COL3A1: variants seen among roughly 807,000 people sequenced by gnomAD.
COL3A1 encodes the protein collagen alpha-1(III) chain.
Under a neutral mutation model 200.9 loss-of-function variants are expected in COL3A1, and 46 were observed. The observed-to-expected ratio is 0.23, with a 90% CI of 0.18 to 0.29. The LOEUF (loss-of-function observed/expected upper bound fraction) is 0.29, where lower values mean the gene tolerates loss of function less well. Ranked by LOEUF, COL3A1 falls within the 10% of genes least tolerant of loss-of-function variation. The pLI, the probability that COL3A1 is intolerant of heterozygous loss-of-function variation, is 1.00. For missense variants in COL3A1, 1,367 were observed against 1,917.6 expected (o/e 0.71, Z 5.36); for synonymous variants, 650 against 628.0 (o/e 1.03, Z -0.52).
At chr2:188,985,326 C>A in intron 3 of COL3A1, 79 bp downstream of exon 3, 2 of 1,141,324 alleles carry the variant, frequency 1.8e-6, no homozygotes, top group Non-Finnish European at 2.7e-6. Context: ...TAGATTTGAG[C>A]TTTCATCATA....
intron 3 of COL3A1, among the ~76,000 whole-genome samples, 181 bp from the exon 4 acceptor site, chr2:188,985,484 T>C (rs1688047790): frequency 6.6e-6 from 1 of 151,988 alleles, no homozygotes; most frequent in African/African-American, 2.4e-5. Flanking sequence ...TAGGTCAATA[T>C]ACAAAGGAAT....
chr2:188,986,219 G>A (rs1376827352), intron 4 of COL3A1, among the ~76,000 whole-genome samples: 1 of 152,078 alleles, frequency 6.6e-6, no homozygotes, highest in African/African-American at 2.4e-5. Flanking sequence ...GATTATTTCT[G>A]CCTATGAAAC....
At chr2:188,977,531 G>A (rs1026107138) in intron 1 of COL3A1, among the ~76,000 whole-genome samples, 10 of 152,038 alleles carry the variant, frequency 6.6e-5, no homozygotes, top group East Asian at 1.9e-4. Flanking sequence ...ACAGGAAAAG[G>A]TTACATACAT....
Position 189,004,030 on chromosome 2 carries a change from C to A in COL3A1, c.2710C>A (p.Pro904Thr), listed in dbSNP as rs1046313486. The stretch of plus-strand genomic sequence containing the variant: ...CAGCGGTTCTCCAGGCAAGGATGGG[C>A]CCCCAGGTCCTGCGGGTAACACTGG... Reference protein sequence around the residue: ...GPSGSPGKDGPPGPAGNTGAP... With the variant: ...GPSGSPGKDGTPGPAGNTGAP... Residue 904 changes from proline (P) to threonine (T), a missense_variant, in exon 39 of 51, where the codon CCC (proline) becomes ACC (threonine). Pro to Thr is a conservative substitution (Grantham distance 38). This residue lies in a region of COL3A1 where 846 missense variants were observed against 1,147.9 expected (regional missense o/e 0.74). Transcript: ENST00000304636. 1 of 1,612,946 alleles carries A rather than the reference C, an allele frequency of 6.2e-7. No individual in the cohort carries two copies. Among genetic ancestry groups the A allele is most frequent in the African/African-American group, 1.3e-5 (1 of 74,980 alleles).
intron 1 of COL3A1, among the ~76,000 whole-genome samples, chr2:188,976,361 C>A (rs574467556): frequency 2.0e-5 from 3 of 152,008 alleles, no homozygotes; most frequent in South Asian, 4.2e-4. Flanking sequence ...TCTTTAGATG[C>A]AAAAAATAAT....
chr2:188,979,000 T>C (rs1181830010), intron 1 of COL3A1, among the ~76,000 whole-genome samples: 5 of 151,938 alleles, frequency 3.3e-5, no homozygotes, highest in Non-Finnish European at 7.4e-5. Flanking sequence ...CCCTTGTTTT[T>C]TTCCATGACT....
intron 40 of COL3A1, 34 bp downstream of exon 40, chr2:189,004,398 T>C: frequency 6.5e-7 from 1 of 1,543,180 alleles, no homozygotes; most frequent in South Asian, 1.2e-5. Context: ...CACTCTTCCT[T>C]CCTTTGGTAG....
intron 44 of COL3A1, among the ~76,000 whole-genome samples, 180 bp downstream of exon 44, chr2:189,007,170 GATA>G (rs1406952364): frequency 1.3e-4 from 4 of 31,280 alleles, no homozygotes; most frequent in Non-Finnish European, 3.1e-4. Flanking sequence ...ATGATAGATA[GATA>G]GATAGATAGA....
intron 32 of COL3A1, 141 bp downstream of exon 32, chr2:189,000,036 A>G (rs1257837482): frequency 1.5e-5 from 13 of 848,838 alleles, no homozygotes; most frequent in Non-Finnish European, 2.3e-5. Context: ...GACTTGATTT[A>G]TAATGAAATT....
At chr2:189,004,222 A>AT in intron 39 of COL3A1, 35 bp from the exon 40 acceptor site, 1 of 1,602,876 alleles carries the variant, frequency 6.2e-7, no homozygotes, top group Non-Finnish European at 8.5e-7. Context: ...ACACTGTCAC[A>AT]TAAAGATGAG....
Position 188,998,698 on chromosome 2 carries a change from C to T in COL3A1, c.2002C>T (p.Pro668Ser), listed in dbSNP as rs1801183. 357 of 1,613,880 alleles carry T rather than the reference C, an allele frequency of 2.2e-4. No homozygotes were observed. The African/African-American group carries it at 3.9e-3, about 17-fold the overall frequency. Residue 668 changes from proline (P) to serine (S), a missense_variant, in exon 29 of 51, where the codon CCT (proline) becomes TCT (serine). Around this residue, in one of 5 missense-constraint regions of COL3A1, gnomAD observed 846 missense variants for 1,147.9 expected, o/e 0.74. Coordinates refer to ENST00000304636, the MANE Select transcript of COL3A1 (RefSeq NM_000090.4). ...GGGTCCAAAGGGTGATGCCGGTGCA[C>T]CTGGAGCTCCAGGAGGCAAGGTAGT... ...EPGPKGDAGA[P>S]GAPGGKGDAG...
intron 1 of COL3A1, among the ~76,000 whole-genome samples, chr2:188,974,992 A>C (rs1464985914): frequency 6.6e-6 from 1 of 152,210 alleles, no homozygotes; most frequent in African/African-American, 2.4e-5. Flanking sequence ...TTTTCTGAAT[A>C]AGAATGCCTT....
Position 189,006,241 on chromosome 2 carries a change from T to C in COL3A1, c.3075T>C (p.Asp1025=). ...NPGSDGLPGR[D]GSPGGKGDRG... is the part of the protein sequence containing the mutation. ...GATCAGATGGTCTTCCAGGCCGAGA[T>C]GGATCTCCTGGTGGCAAGGTATAAT... is the stretch of plus-strand genomic sequence containing the variant. The change falls in exon 42 of 51, where the codon GAT becomes GAC. Residue 1025 remains aspartate, a synonymous_variant. Coordinates refer to ENST00000304636, the MANE Select transcript of COL3A1 (RefSeq NM_000090.4). 6.2e-7 allele frequency: 1 copy of C among 1,614,266 alleles called. No homozygotes were observed.
At chr2:188,995,915 C>G in intron 22 of COL3A1, 125 bp downstream of exon 22, 2 of 1,009,932 alleles carry the variant, frequency 2.0e-6, no homozygotes, top group Non-Finnish European at 3.0e-6. Context: ...CCAAACAAAA[C>G]AAAATTCTTT....
intron 46 of COL3A1, 34 bp downstream of exon 46, chr2:189,007,972 T>A (rs1048846567): frequency 6.2e-7 from 1 of 1,613,930 alleles, no homozygotes; most frequent in Non-Finnish European, 8.5e-7. Flanking sequence ...CAGGTCCACA[T>A]GTTTCAGATG....
rs752777683 is a variant in COL3A1 at position 189,010,661 on chromosome 2, A to G, written c.4025A>G (p.Asn1342Ser). 4 of 1,614,202 alleles carry G rather than the reference A, an allele frequency of 2.5e-6. No individual in the cohort carries two copies. In the African/African-American group the frequency reaches 4.0e-5, roughly 16 times the overall value. ...MDGGFQFSYG[N>S]PELPEDVLDV... is the part of the protein sequence containing the mutation. ...TCCCTATTACAGTTTAGCTACGGCA[A>G]TCCTGAACTTCCTGAAGATGTCCTT... Residue 1342 changes from asparagine (N) to serine (S), a missense_variant, in exon 50 of 51, where the codon AAT becomes AGT. Coordinates refer to ENST00000304636, the MANE Select transcript of COL3A1 (RefSeq NM_000090.4).
At position 189,006,186 on chromosome 2, in the gene COL3A1, C is replaced by G; in HGVS notation, c.3040-20C>G. 6 of 1,613,650 alleles carry G rather than the reference C, an allele frequency of 3.7e-6. No homozygotes were observed. In the Middle Eastern group the frequency reaches 9.9e-4, roughly 266 times the overall value. Reference sequence around the variant, plus strand: ...GGAAGGTTTCAAGAAATTTTATTTCCTTTCTCATTTTTTAATCAGGGAAAC... The same window carrying G: ...GGAAGGTTTCAAGAAATTTTATTTCGTTTCTCATTTTTTAATCAGGGAAAC... On this transcript the variant is annotated intron_variant, in intron 41 of 50. Coordinates refer to ENST00000304636, the MANE Select transcript of COL3A1 (RefSeq NM_000090.4).
intron 3 of COL3A1, 27 bp from the exon 4 acceptor site, chr2:188,985,638 T>G: frequency 6.8e-7 from 1 of 1,460,370 alleles, no homozygotes; most frequent in Non-Finnish European, 9.5e-7. Context: ...TTTTTCACTA[T>G]TTAATTTATT....
chr2:189,009,005 G>T lies in COL3A1; in HGVS notation c.3607G>T (p.Ala1203Ser). The stretch of plus-strand genomic sequence containing the variant: ...TCCTTGCTGTGGTGGTGTTGGAGCC[G>T]CTGCCATTGCTGGGATTGGAGGTGA... ...PGPCCGGVGA[A>S]AIAGIGGEKA... Residue 1203 changes from alanine to serine, a missense_variant, in exon 48 of 51, where the codon GCT becomes TCT. Ala to Ser is a moderately conservative substitution (Grantham distance 99). Coordinates refer to ENST00000304636, the MANE Select transcript of COL3A1 (RefSeq NM_000090.4). The T allele has an allele frequency of 6.2e-7, 1 of 1,614,164 alleles. No individual in the cohort carries two copies. The highest frequency in any genetic ancestry group is 1.1e-5 in the South Asian group (1 of 91,082).
Sources: gnomAD v4.1 joint callset for allele counts (sites outside exome capture counted in the v4.1 genomes callset) on GRCh38, gnomAD v4.1.1 for gene constraint, gnomAD v4.1.1 regional missense constraint, MANE v1.5 for transcripts, NCBI Gene and HGNC (gene_info 2026-07-23, HGNC 2026-07-21) for gene names.